The following GPLD1 variants were observed in gnomAD, a reference collection of about 807,000 sequenced individuals.
GPLD1 encodes the protein glycosylphosphatidylinositol specific phospholipase D1, also known as phosphatidylinositol-glycan-specific phospholipase D.
In GPLD1, 84 loss-of-function variants were observed where a neutral mutation model predicts 112.6. The observed-to-expected ratio is 0.75, with a 90% CI of 0.63 to 0.89. The LOEUF is 0.89. Among genes scored for constraint, GPLD1 ranks in the 40% least tolerant of loss-of-function variants. The pLI is 0.00. For synonymous variants in GPLD1, 386 were observed against 403.8 expected, an observed-to-expected ratio of 0.96 and a Z score of 0.53; for missense variants, 1,044 against 1,051.5, an observed-to-expected ratio of 0.99 and a Z score of 0.10.
chr6:24,472,305 A>G (rs772483338), intron 7 of GPLD1, among the ~76,000 whole-genome samples: 1 of 152,240 alleles, frequency 6.6e-6, no homozygotes, highest in South Asian at 2.1e-4. Context: ...TGGAGAATGC[A>G]GAAGAACCAG....
chr6:24,484,065 A>G (rs1281371439), intron 2 of GPLD1, among the ~76,000 whole-genome samples: 2 of 151,180 alleles, frequency 1.3e-5, no homozygotes, highest in Non-Finnish European at 2.9e-5. Context: ...ACAGGCGCCC[A>G]CCACGATGCC....
Position 24,466,823 on chromosome 6 carries a change from T to G in GPLD1, c.682-4A>C. On this transcript the variant is annotated splice_region_variant and splice_polypyrimidine_tract_variant and intron_variant, in intron 9 of 24. Transcript: ENST00000230036. ...TTGTAGAGTAAGTGGGATATAACTA[T>G]GGCAGAGAGAAAGAAAAAATAAAAT... The G allele has an allele frequency of 6.3e-7, 1 of 1,598,234 alleles. No homozygotes were observed. Among genetic ancestry groups the G allele is most frequent in the Non-Finnish European group, 8.5e-7 (1 of 1,169,598 alleles).
At chr6:24,442,399 G>A (rs1428557193) in intron 20 of GPLD1, among the ~76,000 whole-genome samples, 1 of 146,696 alleles carries the variant, frequency 6.8e-6, no homozygotes, top group Non-Finnish European at 1.5e-5. Flanking sequence ...AGGACCAGAG[G>A]TGCATGCCAC....
intron 2 of GPLD1, among the ~76,000 whole-genome samples, chr6:24,484,456 T>C (rs764338706): frequency 7.0e-4 from 107 of 152,264 alleles, no homozygotes; most frequent in Non-Finnish European, 1.3e-3. Context: ...CCTCACGTGA[T>C]CCACCCACCT....
rs370979661 is a variant in GPLD1 at position 24,436,659 on chromosome 6, A to G, written c.2275T>C (p.Tyr759His). The change falls in exon 22 of 25, where the codon TAT becomes CAT. Residue 759 changes from tyrosine to histidine, a missense_variant. By Grantham distance (83) the Tyr-to-His change is moderately conservative (BLOSUM62 2). Coordinates refer to ENST00000230036, the MANE Select transcript of GPLD1 (RefSeq NM_001503.4). ...GTGGTCTCTTTGCCATTATATACATATACTCGGCCGTCTTCTCCCCCAATC... is the reference window on the plus strand; with the variant it reads ...GTGGTCTCTTTGCCATTATATACATGTACTCGGCCGTCTTCTCCCCCAATC... ...GLIGGEDGRV[Y>H]VYNGKETTLG... 9 of 1,613,856 alleles carry G rather than the reference A, an allele frequency of 5.6e-6. No individual in the cohort carries two copies. The highest frequency in any genetic ancestry group is 7.6e-6 in the Non-Finnish European group (9 of 1,179,896).
chr6:24,448,386 C>T lies in GPLD1; in HGVS notation c.1447-178G>A, dbSNP rs148002978. On this transcript the variant is annotated intron_variant, in intron 15 of 24. Transcript: ENST00000230036. ...CTTGAGGCCAGGAGTTCAAGAGCAG[C>T]CTCGAAAACACAGTGAGATCCTGTG... 2.9e-5 allele frequency among the ~76,000 whole-genome samples: 4 copies of T among 139,410 alleles called. No homozygotes were observed. The East Asian group carries it at 7.8e-4, about 27-fold the overall frequency. 91.5% of individuals were successfully genotyped at this position (139,410 alleles called of 152,430 possible). A position where few individuals can be genotyped will look rare whatever the true frequency, so the allele number is the denominator to read the frequency against.
At chr6:24,461,106 A>T (rs1763418728) in intron 11 of GPLD1, among the ~76,000 whole-genome samples, 1 of 152,144 alleles carries the variant, frequency 6.6e-6, no homozygotes, top group Non-Finnish European at 1.5e-5. Flanking sequence ...ACATTTTCAC[A>T]TTCAAAGATG....
In GPLD1 at chr6:24,425,944, T is replaced by C. The variant is rs924162410; in HGVS notation, c.*3088A>G. On this transcript the variant is annotated 3_prime_UTR_variant, in exon 25 of 25. Coordinates refer to ENST00000230036, the MANE Select transcript of GPLD1 (RefSeq NM_001503.4). ...ACGTTGGATTTAACTCTCATGACTT[T>C]AGTAATACCTACAGAGGTGAGCTAA... 2 of 152,222 alleles carry C rather than the reference T, an allele frequency of 1.3e-5. No individual in the cohort carries two copies. Among genetic ancestry groups the C allele is most frequent in the Non-Finnish European group, 2.9e-5 (2 of 68,038 alleles). 9.4% of individuals were successfully genotyped at this position (152,222 alleles called of 1,614,324 possible). A position where few individuals can be genotyped will look rare whatever the true frequency, so the allele number is the denominator to read the frequency against.
At chr6:24,488,663 C>A (rs1764463222) in intron 1 of GPLD1, among the ~76,000 whole-genome samples, 1 of 152,144 alleles carries the variant, frequency 6.6e-6, no homozygotes, top group African/African-American at 2.4e-5. Context: ...CTTGATTGTG[C>A]TAATCATTTC....
chr6:24,424,842 A>C (rs1221827105), downstream of GPLD1: 1 of 152,230 alleles, frequency 6.6e-6, no homozygotes, highest in African/African-American at 2.4e-5. Flanking sequence ...CATATGAGGA[A>C]GTTTAGGAGT....
At chr6:24,424,008 G>A (rs1762145305), downstream of GPLD1, 1 of 168,528 alleles carries the variant, frequency 5.9e-6, no homozygotes. Context: ...ATCAAGAAAA[G>A]TGCAATTTCA....
intron 1 of GPLD1, among the ~76,000 whole-genome samples, chr6:24,486,686 C>T (rs768988469): frequency 4.6e-5 from 7 of 151,994 alleles, no homozygotes; most frequent in East Asian, 3.9e-4. Context: ...GGCATGGTGG[C>T]GCATGCCTGT....
chr6:24,445,423 G>GA (rs1468003133), intron 20 of GPLD1, 123 bp downstream of exon 20: 2 of 659,890 alleles, frequency 3.0e-6, no homozygotes, highest in East Asian at 5.4e-5. Context: ...TGTTATTAAT[G>GA]AAAAAAGGAA....
chr6:24,494,539 G>A (rs113410249), upstream of GPLD1, among the ~76,000 whole-genome samples: 10 of 152,276 alleles, frequency 6.6e-5, no homozygotes, highest in African/African-American at 1.9e-4. Flanking sequence ...TTGGCATTTA[G>A]GGCAGGCACC....
chr6:24,452,427 C>G (rs1016261304), intron 14 of GPLD1, among the ~76,000 whole-genome samples: 1 of 152,166 alleles, frequency 6.6e-6, no homozygotes, highest in African/African-American at 2.4e-5. Flanking sequence ...GGATTCAGAG[C>G]TCCTTTCATC....
At chr6:24,453,927 T>C (rs1763178792) in intron 14 of GPLD1, 88 bp downstream of exon 14, 1 of 812,362 alleles carries the variant, frequency 1.2e-6, no homozygotes, top group Non-Finnish European at 2.0e-6. Context: ...ATTATTCTTG[T>C]TATTAGTTAC....
At chr6:24,495,285 G>A, upstream of GPLD1, 1 of 1,533,062 alleles carries the variant, frequency 6.5e-7, no homozygotes, top group South Asian at 1.2e-5. Flanking sequence ...CGGGGTGCGA[G>A]AGGCCCGCGC....
At chr6:24,442,471 A>G (rs7763050) in intron 20 of GPLD1, among the ~76,000 whole-genome samples, 74,674 of 95,038 alleles carry the variant, frequency 0.79, 30,085 homozygotes, top group Non-Finnish European at 0.87. Context: ...TTGAGATGGA[A>G]TTTCACTCTG....
chr6:24,446,762 T>C, intron 18 of GPLD1, 76 bp downstream of exon 18: 1 of 1,423,630 alleles, frequency 7.0e-7, no homozygotes, highest in East Asian at 2.4e-5. Flanking sequence ...TCCCTCAGCC[T>C]CATGCTCAGT....
Sources: allele counts gnomAD v4.1 joint callset (sites outside exome capture counted in the v4.1 genomes callset), GRCh38; gene constraint gnomAD v4.1.1; transcripts MANE v1.5; gene names NCBI Gene and HGNC (gene_info 2026-07-23, HGNC 2026-07-21).